The following CIB1 variants were observed in gnomAD, a reference collection of about 807,000 sequenced individuals.
The protein encoded by CIB1 is calcium and integrin-binding protein 1.
Under a neutral mutation model 25.0 loss-of-function variants are expected in CIB1, and 19 were observed. The observed-to-expected ratio is 0.76, with a 90% CI of 0.53 to 1.12. CIB1 has a LOEUF of 1.12. CIB1 is among the 50% of genes most tolerant of loss of function. CIB1 has a pLI of 0.00. For missense variants in CIB1, 236 were observed against 242.6 expected (o/e 0.97, Z 0.18); for synonymous variants, 104 against 98.5 (o/e 1.06, Z -0.33).
chr15:90,230,498 T>G lies in CIB1; in HGVS notation c.562A>C (p.Lys188Gln), dbSNP rs1157357831. ...TGGGGCTGCTGTCACAGGACAATCTTAAAGGAGCTGAACAAGAGAAAAGCG... is the reference window on the plus strand; with the variant it reads ...TGGGGCTGCTGTCACAGGACAATCTGAAAGGAGCTGAACAAGAGAAAAGCG... ...SRSPDFASSF[K>Q]IVL The change falls in exon 7 of 7, where the codon AAG (lysine) becomes CAG (glutamine). Residue 188 changes from lysine (K) to glutamine (Q), a missense_variant. Transcript: ENST00000328649. The G allele has an allele frequency of 1.5e-5, 23 of 1,551,642 alleles. No individual in the cohort carries two copies. Among genetic ancestry groups the G allele is most frequent in the Non-Finnish European group, 1.9e-5 (22 of 1,146,986 alleles).
the CIB1 span, chr15:90,265,445 A>G: frequency 7.7e-7 from 1 of 1,303,872 alleles, no homozygotes; most frequent in South Asian, 1.8e-5. Context: ...TGGAAACGGA[A>G]TCCGTACTTT....
chr15:90,262,968 G>T, the CIB1 span: 1 of 1,535,430 alleles, frequency 6.5e-7, no homozygotes. Context: ...CCTTGTAGCT[G>T]CTGCCGGGAC....
chr15:90,241,905 T>C, the CIB1 span: 4 of 1,614,148 alleles, frequency 2.5e-6, no homozygotes, highest in Non-Finnish European at 3.4e-6. Context: ...TGTTGCCCTC[T>C]GTGAGCTGGC....
chr15:90,265,329 A>T, the CIB1 span: 1 of 1,218,790 alleles, frequency 8.2e-7, no homozygotes, highest in Non-Finnish European at 1.0e-6. Context: ...CGAGTGCCCA[A>T]GGCACTGGGC....
the CIB1 span, among the ~76,000 whole-genome samples, chr15:90,256,880 G>T: frequency 6.6e-6 from 1 of 151,936 alleles, no homozygotes; most frequent in Non-Finnish European, 1.5e-5. Flanking sequence ...TAGAGACGGG[G>T]TTTCACCATC....
chr15:90,264,200 CTTTTT>C, the CIB1 span: 1 of 606,086 alleles, frequency 1.6e-6, no homozygotes, highest in East Asian at 2.8e-5. Context: ...TTATTTACTC[CTTTTT>C]TTTTGAGACA....
chr15:90,231,069 G>A (rs748121144), intron 5 of CIB1, 26 bp downstream of exon 5: 22 of 1,612,828 alleles, frequency 1.4e-5, no homozygotes, highest in African/African-American at 1.3e-4. Flanking sequence ...GCTCCCTCCC[G>A]CTCCCAGGCC....
upstream of CIB1, chr15:90,234,169 G>C: frequency 6.5e-5 from 2 of 30,606 alleles, no homozygotes; most frequent in South Asian, 1.8e-3. Context: ...CGGGGTGGGA[G>C]GGGGGGGCGG....
chr15:90,231,100 C>T lies in CIB1; in HGVS notation c.460G>A (p.Asp154Asn), dbSNP rs201298867. Residue 154 changes from aspartate (D) to asparagine (N), a missense_variant, in exon 5 of 7, where the codon GAC (aspartate) becomes AAC (asparagine). By Grantham distance (23) the Asp-to-Asn change is conservative. Coordinates refer to ENST00000328649, the MANE Select transcript of CIB1 (RefSeq NM_006384.4). ...AGGCCTGCTCAGCTGCTCACGTTGTCGATGAGCTGCTTCATCTCAGACGCA... is the reference window on the plus strand; with the variant it reads ...AGGCCTGCTCAGCTGCTCACGTTGTTGATGAGCTGCTTCATCTCAGACGCA... ...LSASEMKQLI[D>N]NILEESDIDR... 17 of 1,613,930 alleles carry T rather than the reference C, an allele frequency of 1.1e-5. No individual in the cohort carries two copies. The highest frequency in any genetic ancestry group is 4.5e-5 in the East Asian group (2 of 44,890).
chr15:90,241,150 G>T, the CIB1 span: 74 of 1,614,008 alleles, frequency 4.6e-5, no homozygotes, highest in Non-Finnish European at 5.8e-5. Flanking sequence ...TACCGTCTAC[G>T]GGAGCTACAG....
chr15:90,258,479 T>C, the CIB1 span: 2 of 624,738 alleles, frequency 3.2e-6, no homozygotes, highest in Non-Finnish European at 5.6e-6. Flanking sequence ...ACCGTAGGAA[T>C]GCAGGTTTGG....
the CIB1 span, chr15:90,242,253 CTTTTTTTT>C: frequency 0.011 from 968 of 89,074 alleles, no homozygotes; most frequent in Middle Eastern, 0.026. Flanking sequence ...ACACACCTGG[CTTTTTTTT>C]TTTTTTTTTT....
At chr15:90,234,107 G>A (rs1962578756), upstream of CIB1, 1 of 418,176 alleles carries the variant, frequency 2.4e-6, no homozygotes, top group Non-Finnish European at 4.1e-6. Context: ...GGCGGGGCCC[G>A]GGGAGGGGCC....
the CIB1 span, chr15:90,255,656 C>T: frequency 6.4e-7 from 1 of 1,556,970 alleles, no homozygotes; most frequent in Non-Finnish European, 8.8e-7. Context: ...GTGACTTCTC[C>T]CTTAACCTTC....
chr15:90,265,388 C>G, the CIB1 span: 3 of 1,243,322 alleles, frequency 2.4e-6, no homozygotes, highest in Admixed American at 4.2e-5. Flanking sequence ...ACCGAGGTGG[C>G]GGAGACAGGC....
the CIB1 span, chr15:90,250,613 C>T: frequency 3.1e-6 from 5 of 1,607,928 alleles, no homozygotes; most frequent in African/African-American, 4.0e-5. Context: ...ACCCCGCAAC[C>T]CCTCAGAATC....
chr15:90,241,606 C>T, the CIB1 span: 91 of 1,613,836 alleles, frequency 5.6e-5, no homozygotes, highest in Middle Eastern at 8.3e-4. Context: ...GTGGAGCAGG[C>T]GCCAAGCGAG....
chr15:90,233,643 G>A, intron 2 of CIB1, 26 bp downstream of exon 2: 1 of 1,568,384 alleles, frequency 6.4e-7, no homozygotes, highest in Non-Finnish European at 8.6e-7. Context: ...CCCGGGGTCG[G>A]AGGCAGGGTT....
At position 90,233,821 on chromosome 15, in the gene CIB1, G is replaced by T; in HGVS notation, c.51+14C>A. 6.5e-7 allele frequency: 1 copy of T among 1,545,534 alleles called. No individual in the cohort carries two copies. The highest frequency in any genetic ancestry group is 1.2e-5 in the South Asian group (1 of 83,860). On this transcript the variant is annotated intron_variant, in intron 1 of 6. Coordinates refer to ENST00000328649, the MANE Select transcript of CIB1 (RefSeq NM_006384.4). ...CCCGCACGCGAGCTCCCCAGGGCCAGGCGTCCCGCGCACCTGGTACTCGGC... is the reference window on the plus strand; with the variant it reads ...CCCGCACGCGAGCTCCCCAGGGCCATGCGTCCCGCGCACCTGGTACTCGGC...
Sources: gnomAD v4.1 joint callset for allele counts (sites outside exome capture counted in the v4.1 genomes callset) on GRCh38, gnomAD v4.1.1 for gene constraint, MANE v1.5 for transcripts, NCBI Gene and HGNC (gene_info 2026-07-23, HGNC 2026-07-21) for gene names.